Variants in SGIP1 observed in about 807,000 individuals in gnomAD.
The protein encoded by SGIP1 is SH3GL interacting endocytic adaptor 1, also known as SH3-containing GRB2-like protein 3-interacting protein 1.
SGIP1 carries 38 observed loss-of-function variants against 107.5 expected under a neutral mutation model. The ratio of observed to expected loss-of-function variants is 0.35; its 90% confidence interval spans 0.27 to 0.46. SGIP1 has a LOEUF of 0.46. SGIP1 is among the 20% of genes least tolerant of loss of function. The pLI is 1.00. For missense variants in SGIP1, 929 were observed against 1,019.5 expected (o/e 0.91, Z 1.21); for synonymous variants, 365 against 366.1 (o/e 1.00, Z 0.03).
At chr1:66,543,079 A>G (rs1054172929) in intron 1 of SGIP1, among the ~76,000 whole-genome samples, 75 of 152,232 alleles carry the variant, frequency 4.9e-4, no homozygotes, top group African/African-American at 1.7e-3. Flanking sequence ...CAGAACAGTC[A>G]TCAACTTGAA....
intron 20 of SGIP1, among the ~76,000 whole-genome samples, chr1:66,731,260 G>T (rs1053147239): frequency 5.3e-5 from 8 of 152,210 alleles, no homozygotes; most frequent in African/African-American, 1.9e-4. Flanking sequence ...GGTTGTGCAC[G>T]TTGAGCCAGT....
intron 18 of SGIP1, among the ~76,000 whole-genome samples, chr1:66,708,764 C>A (rs1287565964): frequency 1.5e-5 from 2 of 130,144 alleles, no homozygotes; most frequent in South Asian, 4.3e-4. Flanking sequence ...CTGGACTGAG[C>A]AGAATTTGAA....
chr1:66,648,774 A>G (rs957802344), intron 7 of SGIP1, among the ~76,000 whole-genome samples: 10 of 152,190 alleles, frequency 6.6e-5, no homozygotes, highest in African/African-American at 2.4e-4. Flanking sequence ...GGTTAATCAC[A>G]AGCCAGTGTG....
At chr1:66,723,869 A>T (rs2093646437) in intron 19 of SGIP1, among the ~76,000 whole-genome samples, 1 of 152,232 alleles carries the variant, frequency 6.6e-6, no homozygotes, top group African/African-American at 2.4e-5. Flanking sequence ...CTGCAACATA[A>T]TTTCCTAGAA....
At chr1:66,655,449 C>T (rs9662943) in intron 7 of SGIP1, among the ~76,000 whole-genome samples, 105,741 of 152,062 alleles carry the variant, frequency 0.7, 38,496 homozygotes, top group East Asian at 1. Context: ...ATTGCATTTG[C>T]CGTCTTCTAA....
chr1:66,562,230 G>T (rs913902685), intron 1 of SGIP1, among the ~76,000 whole-genome samples: 1 of 151,910 alleles, frequency 6.6e-6, no homozygotes, highest in African/African-American at 2.4e-5. Flanking sequence ...TTTGGAGAGC[G>T]GCAACTTCTA....
chr1:66,744,945 T>C lies in SGIP1; in HGVS notation c.*1850T>C, dbSNP rs959621044. ...TAAATTCCATGAAACATGGAATTTA[T>C]GACACCAAAATCAATGGAGAGTAAG... On this transcript the variant is annotated 3_prime_UTR_variant, in exon 25 of 25. Coordinates refer to ENST00000371037, the MANE Select transcript of SGIP1 (RefSeq NM_032291.4). 2 of 152,440 alleles carry C rather than the reference T, an allele frequency of 1.3e-5. No individual in the cohort carries two copies. The highest frequency in any genetic ancestry group is 4.8e-5 in the African/African-American group (2 of 41,426). 9.4% of individuals were successfully genotyped at this position (152,440 alleles called of 1,614,324 possible).
intron 5 of SGIP1, among the ~76,000 whole-genome samples, chr1:66,640,206 A>C (rs188694430): frequency 0.013 from 1,942 of 152,266 alleles, 48 homozygotes; most frequent in African/African-American, 0.044. Context: ...GTGGCCTTGG[A>C]GTAGTTATTT....
chr1:66,622,835 C>G (rs1412987241), intron 1 of SGIP1, among the ~76,000 whole-genome samples: 1 of 152,082 alleles, frequency 6.6e-6, no homozygotes, highest in Non-Finnish European at 1.5e-5. Flanking sequence ...AGTTTTTGCC[C>G]TCCCATTTTT....
At chr1:66,545,171 T>C (rs545868840) in intron 1 of SGIP1, among the ~76,000 whole-genome samples, 1 of 152,328 alleles carries the variant, frequency 6.6e-6, no homozygotes, top group African/African-American at 2.4e-5. Context: ...TGCCTTTGAT[T>C]GTTTACCATG....
In SGIP1 at chr1:66,637,971, T is replaced by C. The variant is rs2076121286; in HGVS notation, c.172-1806T>C. ...ATGAGATTATCATGGAAGCAAACTG[T>C]AGAACTTTGAAAATTTTGAACTCAG... is the stretch of plus-strand genomic sequence containing the variant. On this transcript the variant is annotated intron_variant, in intron 4 of 24. Coordinates refer to ENST00000371037, the MANE Select transcript of SGIP1 (RefSeq NM_032291.4). 3.9e-5 allele frequency among the ~76,000 whole-genome samples: 6 copies of C among 152,010 alleles called. 1 individual carries two copies. The South Asian group carries it at 1.3e-3, about 32-fold the overall frequency.
intron 5 of SGIP1, among the ~76,000 whole-genome samples, chr1:66,641,887 A>G (rs927823319): frequency 2.6e-5 from 4 of 152,068 alleles, no homozygotes; most frequent in African/African-American, 9.7e-5. Flanking sequence ...TTTTTCTCCT[A>G]TGGCTGACTG....
intron 1 of SGIP1, among the ~76,000 whole-genome samples, chr1:66,566,692 CT>C (rs1046973818): frequency 6.6e-6 from 1 of 151,806 alleles, no homozygotes; most frequent in Non-Finnish European, 1.5e-5. Context: ...TGCATTTACT[CT>C]TTTTTATTTA....
intron 1 of SGIP1, among the ~76,000 whole-genome samples, chr1:66,562,034 A>C (rs946919740): frequency 6.6e-6 from 1 of 151,874 alleles, no homozygotes; most frequent in Non-Finnish European, 1.5e-5. Context: ...ACAGCTCCTG[A>C]CTTCCCAAAT....
chr1:66,675,709 A>T (rs1270899437), intron 12 of SGIP1, among the ~76,000 whole-genome samples: 2 of 150,108 alleles, frequency 1.3e-5, no homozygotes, highest in Non-Finnish European at 3.0e-5. Context: ...TAATTTTTGT[A>T]TTTTTTGTAG....
At chr1:66,637,916 TC>T (rs1438575979) in intron 4 of SGIP1, among the ~76,000 whole-genome samples, 7 of 151,280 alleles carry the variant, frequency 4.6e-5, no homozygotes, top group Non-Finnish European at 1.0e-4. Context: ...ATATAAGCCA[TC>T]TTGGTTTTTA....
intron 19 of SGIP1, among the ~76,000 whole-genome samples, chr1:66,720,008 A>G (rs1254367115): frequency 1.3e-5 from 2 of 152,234 alleles, no homozygotes; most frequent in Middle Eastern, 3.2e-3. Context: ...TTCTATTTAC[A>G]TGAGCCTGAT....
At chr1:66,582,046 C>T (rs1029213817) in intron 1 of SGIP1, among the ~76,000 whole-genome samples, 2 of 152,016 alleles carry the variant, frequency 1.3e-5, no homozygotes, top group Non-Finnish European at 2.9e-5. Context: ...AAGGGACTGC[C>T]TAGTTAGTGG....
intron 7 of SGIP1, among the ~76,000 whole-genome samples, chr1:66,654,402 G>C (rs2079328605): frequency 1.3e-5 from 2 of 152,078 alleles, no homozygotes; most frequent in African/African-American, 4.8e-5. Context: ...TCTAAAGCCT[G>C]AGGTTTTCAG....
Sources: allele counts gnomAD v4.1 joint callset (sites outside exome capture counted in the v4.1 genomes callset), GRCh38; gene constraint gnomAD v4.1.1; transcripts MANE v1.5; gene names NCBI Gene and HGNC (gene_info 2026-07-23, HGNC 2026-07-21).